Variants in PCSK5 observed in about 807,000 individuals in gnomAD.
The protein encoded by PCSK5 is prohormone convertase 5.
In PCSK5, 129 loss-of-function variants were observed where a neutral mutation model predicts 233.2. The observed-to-expected ratio is 0.55, with a 90% CI of 0.48 to 0.64. PCSK5 has a LOEUF of 0.64. Ranked by LOEUF, PCSK5 falls within the 30% of genes least tolerant of loss-of-function variation. The pLI is 0.00. For synonymous variants in PCSK5, 825 were observed against 879.2 expected (o/e 0.94, Z 1.09); for missense variants, 2,076 against 2,430.1 (o/e 0.85, Z 3.06).
Position 76,359,078 on chromosome 9 carries a change from T to C in PCSK5, c.*156T>C. On this transcript the variant is annotated 3_prime_UTR_variant, in exon 38 of 38. Coordinates refer to ENST00000674117, the MANE Select transcript of PCSK5 (RefSeq NM_001372043.1). ...ACCAGAATATGTAAGAATGATGAAA[T>C]ACTTTGTTCTTCTTTTGAGTGGCTA... 1.6e-6 allele frequency: 1 copy of C among 613,040 alleles called. No homozygotes were observed. Among genetic ancestry groups the C allele is most frequent in the Non-Finnish European group, 2.9e-6 (1 of 350,626 alleles). The allele number at this position is 613,040 out of a possible 1,614,324, so 38.0% of individuals were successfully genotyped here.
At position 76,328,040 on chromosome 9, in the gene PCSK5, A is replaced by G. The variant is rs2259969; in HGVS notation, c.4371A>G (p.Ser1457=). The G allele has an allele frequency of 0.57, 919,370 of 1,610,690 alleles. 268,055 individuals are homozygous for G. The highest frequency in any genetic ancestry group is 0.67 in the African/African-American group (50,328 of 74,804). ...ACAAGTCCTGCTTGACCTGCTCATC[A>G]TCTGGGACCTGCACCACCTGTCAGA... is the stretch of plus-strand genomic sequence containing the variant. ...DCHKSCLTCS[S]SGTCTTCQKG... is the part of the protein sequence containing the mutation. The change falls in exon 33 of 38, where the codon TCA becomes TCG. Residue 1457 remains serine, a synonymous_variant. Transcript: ENST00000674117.
intron 1 of PCSK5, among the ~76,000 whole-genome samples, chr9:75,927,958 A>G (rs1271315536): frequency 6.6e-6 from 1 of 152,188 alleles, no homozygotes; most frequent in Non-Finnish European, 1.5e-5. Flanking sequence ...CGCCTTTCCT[A>G]AGAACACACT....
At chr9:76,239,504 G>T (rs1826361908) in intron 23 of PCSK5, among the ~76,000 whole-genome samples, 1 of 151,970 alleles carries the variant, frequency 6.6e-6, no homozygotes, top group Admixed American at 6.6e-5. Flanking sequence ...AGACCAGCCT[G>T]GGGGAACACG....
chr9:76,184,562 A>C, intron 16 of PCSK5, 111 bp from the exon 17 acceptor site: 2 of 582,666 alleles, frequency 3.4e-6, no homozygotes, highest in South Asian at 4.9e-5. Flanking sequence ...GCAATTGTCT[A>C]GTCAAGGCCA....
intron 21 of PCSK5, among the ~76,000 whole-genome samples, chr9:76,228,045 C>A (rs551668943): frequency 6.6e-6 from 1 of 151,564 alleles, no homozygotes; most frequent in African/African-American, 2.4e-5. Context: ...TCTCTGCTCA[C>A]GGCAACCTCC....
chr9:76,271,929 G>C (rs911081517), intron 24 of PCSK5, among the ~76,000 whole-genome samples: 3 of 152,188 alleles, frequency 2.0e-5, no homozygotes, highest in South Asian at 4.2e-4. Context: ...GTGTGTCTGT[G>C]TCTTCATGTT....
chr9:75,930,813 T>C (rs1414460190), intron 1 of PCSK5, among the ~76,000 whole-genome samples: 1 of 152,186 alleles, frequency 6.6e-6, no homozygotes, highest in Non-Finnish European at 1.5e-5. Context: ...TAAGGTTTTC[T>C]TGTAAAGGAT....
At chr9:76,218,906 G>A (rs1016278372) in intron 20 of PCSK5, among the ~76,000 whole-genome samples, 1 of 152,110 alleles carries the variant, frequency 6.6e-6, no homozygotes, top group African/African-American at 2.4e-5. Flanking sequence ...AGCACAATTT[G>A]GTCACTCCCA....
chr9:76,290,629 T>A (rs2842485), intron 24 of PCSK5, among the ~76,000 whole-genome samples: 39,597 of 152,126 alleles, frequency 0.26, 5,378 homozygotes, highest in African/African-American at 0.33. Context: ...AACCAGCTGT[T>A]AAGACAATTA....
At chr9:76,141,300 A>C (rs1481658528) in intron 10 of PCSK5, among the ~76,000 whole-genome samples, 1 of 152,124 alleles carries the variant, frequency 6.6e-6, no homozygotes, top group Non-Finnish European at 1.5e-5. Context: ...AGCCTATTTT[A>C]AAATTCAACA....
chr9:76,264,214 T>G (rs1428508283), intron 24 of PCSK5, among the ~76,000 whole-genome samples: 1 of 152,200 alleles, frequency 6.6e-6, no homozygotes, highest in Admixed American at 6.6e-5. Flanking sequence ...GGGAAAGCAC[T>G]TCCTATTTGA....
chr9:76,062,464 G>A (rs1417182239), intron 5 of PCSK5, among the ~76,000 whole-genome samples: 1 of 152,144 alleles, frequency 6.6e-6, no homozygotes, highest in African/African-American at 2.4e-5. Flanking sequence ...ATGGGCAGGA[G>A]GAGGGAAACA....
rs372638273 is a variant in PCSK5 at position 76,339,924 on chromosome 9, T to C, written c.4966+1477T>C. ...TTATGTCTTAAGGACTTGTCTTCCA[T>C]GTATTCTAGAAGCTAGAACTACCCA... On this transcript the variant is annotated intron_variant, in intron 35 of 37. Transcript: ENST00000674117. Among the ~76,000 whole-genome samples the C allele has an allele frequency of 6.8e-4, 103 of 152,322 alleles. No homozygotes were observed. The South Asian group carries it at 0.01, about 15-fold the overall frequency.
At chr9:76,176,437 T>C (rs891548163) in intron 14 of PCSK5, among the ~76,000 whole-genome samples, 21 of 152,362 alleles carry the variant, frequency 1.4e-4, no homozygotes, top group African/African-American at 5.0e-4. Flanking sequence ...TTGTAGAACA[T>C]CTGCTTCCCA....
intron 20 of PCSK5, among the ~76,000 whole-genome samples, chr9:76,223,291 G>A (rs995455709): frequency 3.9e-5 from 6 of 152,130 alleles, no homozygotes; most frequent in Admixed American, 2.6e-4. Flanking sequence ...AAAAGAAAGC[G>A]TAGCATTTGT....
At chr9:76,321,359 C>A in intron 30 of PCSK5, 63 bp from the exon 31 acceptor site, 1 of 886,558 alleles carries the variant, frequency 1.1e-6, no homozygotes, top group South Asian at 1.3e-5. Flanking sequence ...TCCTTTTCCC[C>A]AGGAATGAGT....
chr9:76,152,832 A>G (rs1400845571), intron 10 of PCSK5, among the ~76,000 whole-genome samples: 1 of 152,186 alleles, frequency 6.6e-6, no homozygotes, highest in Non-Finnish European at 1.5e-5. Context: ...GCTGTTACGT[A>G]TATTAACTGA....
chr9:76,155,930 G>T (rs1175062273), intron 10 of PCSK5, among the ~76,000 whole-genome samples: 2 of 152,124 alleles, frequency 1.3e-5, no homozygotes, highest in Non-Finnish European at 2.9e-5. Flanking sequence ...CTCTGACTGG[G>T]GTCTCTAAGA....
intron 32 of PCSK5, among the ~76,000 whole-genome samples, chr9:76,323,806 T>C (rs545262652): frequency 2.6e-5 from 4 of 152,326 alleles, no homozygotes; most frequent in African/African-American, 7.2e-5. Context: ...AAAGAAGTTA[T>C]CATATAAAGA....
Sources: allele counts gnomAD v4.1 joint callset (sites outside exome capture counted in the v4.1 genomes callset), GRCh38; gene constraint gnomAD v4.1.1; transcripts MANE v1.5; gene names NCBI Gene and HGNC (gene_info 2026-07-23, HGNC 2026-07-21).